The following STK32C variants were observed in gnomAD, a reference collection of about 807,000 sequenced individuals.
The protein encoded by STK32C is serine/threonine-protein kinase 32C.
STK32C carries 31 observed loss-of-function variants against 56.5 expected under a neutral mutation model. That is an observed-to-expected ratio of 0.55 (90% confidence interval 0.41 to 0.74). STK32C has a LOEUF of 0.74. STK32C is among the 30% of genes least tolerant of loss of function. The probability of loss-of-function intolerance (pLI) is 0.00; values close to 1 mark genes in which losing one functional copy is unlikely to be tolerated. For synonymous variants in STK32C, 309 were observed against 289.4 expected (o/e 1.07, Z -0.69); for missense variants, 544 against 676.9 (o/e 0.80, Z 2.18).
intron 3 of STK32C, among the ~76,000 whole-genome samples, chr10:132,227,753 G>A (rs2062943735): frequency 1.3e-5 from 2 of 152,174 alleles, no homozygotes; most frequent in South Asian, 4.1e-4. Flanking sequence ...GCTCAGAAGA[G>A]ACACTGCATT....
intron 10 of STK32C, among the ~76,000 whole-genome samples, chr10:132,218,396 T>G (rs1488828809): frequency 6.6e-6 from 1 of 152,050 alleles, no homozygotes; most frequent in Non-Finnish European, 1.5e-5. Context: ...CAATAAAAAT[T>G]TTAAAACATT....
intron 2 of STK32C, among the ~76,000 whole-genome samples, chr10:132,242,228 G>A (rs988074705): frequency 1.3e-5 from 2 of 152,176 alleles, no homozygotes; most frequent in Non-Finnish European, 2.9e-5. Context: ...GGGGCCAGGG[G>A]CTGGTGTCCT....
chr10:132,230,207 T>C (rs954535885), intron 2 of STK32C, among the ~76,000 whole-genome samples: 1 of 152,120 alleles, frequency 6.6e-6, no homozygotes, highest in Non-Finnish European at 1.5e-5. Context: ...ATTTTTTAAA[T>C]TGTTATTTTG....
chr10:132,274,903 CCT>C (rs1411453673), intron 1 of STK32C, among the ~76,000 whole-genome samples: 4 of 152,222 alleles, frequency 2.6e-5, no homozygotes, highest in Non-Finnish European at 4.4e-5. Flanking sequence ...TTAAATCCAC[CCT>C]GTTCTTCCAC....
intron 8 of STK32C, 47 bp downstream of exon 8, chr10:132,224,360 G>A (rs1370283217): frequency 1.4e-6 from 2 of 1,386,706 alleles, no homozygotes; most frequent in Admixed American, 3.9e-5. Context: ...AGTGAGGGAG[G>A]GAGGTGGGTG....
intron 2 of STK32C, among the ~76,000 whole-genome samples, chr10:132,242,850 G>A (rs1012278985): frequency 1.3e-5 from 2 of 152,240 alleles, no homozygotes; most frequent in Non-Finnish European, 2.9e-5. Flanking sequence ...CAGCCAGAGG[G>A]GCGGCTCCTC....
chr10:132,215,995 C>T (rs2062458758), intron 10 of STK32C, among the ~76,000 whole-genome samples: 1 of 152,192 alleles, frequency 6.6e-6, no homozygotes, highest in Non-Finnish European at 1.5e-5. Flanking sequence ...CATTTTGCCC[C>T]TGCCCTAGAG....
At chr10:132,283,261 C>T (rs1421463828) in intron 1 of STK32C, among the ~76,000 whole-genome samples, 3 of 152,028 alleles carry the variant, frequency 2.0e-5, no homozygotes, top group East Asian at 1.9e-4. Context: ...CAGAGCAACA[C>T]GCTGATCAGT....
chr10:132,269,668 G>A (rs914088429), intron 1 of STK32C, among the ~76,000 whole-genome samples: 1 of 152,324 alleles, frequency 6.6e-6, no homozygotes, highest in Non-Finnish European at 1.5e-5. Context: ...CCAGGCTGTC[G>A]CCCAACCACA....
intron 10 of STK32C, among the ~76,000 whole-genome samples, 175 bp downstream of exon 10, chr10:132,222,466 T>C (rs1370944229): frequency 6.6e-6 from 1 of 151,918 alleles, no homozygotes; most frequent in Non-Finnish European, 1.5e-5. Flanking sequence ...AGGAGCGAGG[T>C]GGGGGCTGGG....
chr10:132,242,744 C>A (rs1471075908), intron 2 of STK32C, among the ~76,000 whole-genome samples: 5 of 152,222 alleles, frequency 3.3e-5, no homozygotes, highest in African/African-American at 1.2e-4. Context: ...CGATGCCCTG[C>A]ACACGTAACA....
At chr10:132,292,748 G>C (rs2065608115) in intron 1 of STK32C, among the ~76,000 whole-genome samples, 1 of 152,154 alleles carries the variant, frequency 6.6e-6, no homozygotes, top group Non-Finnish European at 1.5e-5. Flanking sequence ...ACCAGACCCT[G>C]GGAAGCCACT....
chr10:132,321,171 G>A (rs369242028), downstream of STK32C, among the ~76,000 whole-genome samples: 7 of 152,288 alleles, frequency 4.6e-5, no homozygotes, highest in African/African-American at 1.2e-4. Flanking sequence ...CACAGCTACC[G>A]TCTTGCACCT....
At chr10:132,314,744 G>A (rs1387847154) in intron 1 of STK32C, among the ~76,000 whole-genome samples, 5 of 152,160 alleles carry the variant, frequency 3.3e-5, no homozygotes, top group South Asian at 2.1e-4. Flanking sequence ...ATCAGATAAC[G>A]TAGACTTCAA....
At chr10:132,260,531 C>T (rs956253679) in intron 1 of STK32C, among the ~76,000 whole-genome samples, 5 of 152,228 alleles carry the variant, frequency 3.3e-5, no homozygotes, top group African/African-American at 7.2e-5. Flanking sequence ...GCACCGTTGT[C>T]GGGTCCTGGG....
At chr10:132,215,858 A>G (rs149077796) in intron 10 of STK32C, among the ~76,000 whole-genome samples, 17,643 of 152,262 alleles carry the variant, frequency 0.12, 1,383 homozygotes, top group Non-Finnish European at 0.16. Flanking sequence ...AATGGCTTTG[A>G]CCAAAATGCT....
intron 1 of STK32C, among the ~76,000 whole-genome samples, chr10:132,247,612 C>G (rs1360854461): frequency 6.6e-6 from 1 of 152,060 alleles, no homozygotes; most frequent in African/African-American, 2.4e-5. Flanking sequence ...AGCCTGGGCA[C>G]AGGCAGGAAA....
Position 132,243,689 on chromosome 10 carries a change from C to T in STK32C, c.318+2211G>A, listed in dbSNP as rs1252454898. ...GAAAACAAAAACAAAAGCCAAGGGC[C>T]AGGTCTAGATAATCCATTTCCGAGA... On this transcript the variant is annotated intron_variant, in intron 2 of 11. Transcript: ENST00000298630. 6.6e-5 allele frequency among the ~76,000 whole-genome samples: 10 copies of T among 152,328 alleles called. No individual in the cohort carries two copies. The East Asian group carries it at 1.5e-3, about 24-fold the overall frequency.
At chr10:132,308,788 G>A (rs993398806), upstream of STK32C, among the ~76,000 whole-genome samples, 1 of 152,190 alleles carries the variant, frequency 6.6e-6, no homozygotes, top group Non-Finnish European at 1.5e-5. Context: ...GGCCTGGGGC[G>A]CGGCTTGACC....
Sources: gnomAD v4.1 joint callset for allele counts (sites outside exome capture counted in the v4.1 genomes callset) on GRCh38, gnomAD v4.1.1 for gene constraint, MANE v1.5 for transcripts, NCBI Gene and HGNC (gene_info 2026-07-23, HGNC 2026-07-21) for gene names.